The following ZYG11B variants were observed in gnomAD, a reference collection of about 807,000 sequenced individuals.
The protein encoded by ZYG11B is protein zyg-11 homolog B.
In ZYG11B, 36 loss-of-function variants were observed where a neutral mutation model predicts 82.4. The observed-to-expected ratio is 0.44, with a 90% confidence interval of 0.33 to 0.58. The LOEUF is 0.58. ZYG11B is among the 20% of genes least tolerant of loss of function. ZYG11B has a pLI of 0.02. For synonymous variants in ZYG11B, 303 were observed against 312.8 expected (o/e 0.97, Z 0.33); for missense variants, 552 against 895.6 (o/e 0.62, Z 4.90).
chr1:52,791,865 G>A (rs747793995), intron 6 of ZYG11B, among the ~76,000 whole-genome samples: 17 of 152,234 alleles, frequency 1.1e-4, no homozygotes, highest in Middle Eastern at 3.4e-3. Context: ...TCGTAACAAA[G>A]TCTAAGGTAG....
chr1:52,743,871 A>G (rs1185852582), intron 1 of ZYG11B, among the ~76,000 whole-genome samples: 1 of 152,152 alleles, frequency 6.6e-6, no homozygotes, highest in Non-Finnish European at 1.5e-5. Context: ...CATTTATGTT[A>G]AGTCCCCTCT....
chr1:52,820,286 T>A (rs768489330), intron 13 of ZYG11B, among the ~76,000 whole-genome samples: 4 of 152,022 alleles, frequency 2.6e-5, no homozygotes, highest in Admixed American at 6.6e-5. Flanking sequence ...CTCAGATAGT[T>A]TAGGTTCCTA....
rs1465453977 is a variant in ZYG11B at position 52,821,489 on chromosome 1, TACA to T, written c.2099_2101del (p.Asn700del). On this transcript the variant is annotated inframe_deletion, in exon 14 of 14. Transcript: ENST00000294353. ...TGAAGAAGGAGGATTGCAGCATTTATACAACATCAAAGATCATGAACATACTGA... is the reference window on the plus strand; with the variant it reads ...TGAAGAAGGAGGATTGCAGCATTTATACATCAAAGATCATGAACATACTGA... 1 of 1,612,836 alleles carries T rather than the reference TACA, an allele frequency of 6.2e-7. No homozygotes were observed.
intron 10 of ZYG11B, among the ~76,000 whole-genome samples, chr1:52,810,149 A>G (rs116807506): frequency 1.1e-4 from 16 of 152,254 alleles, no homozygotes; most frequent in Middle Eastern, 3.4e-3. Flanking sequence ...TGGTCAGGCT[A>G]TGGCTAATTA....
At chr1:52,811,629 T>G (rs1645183526) in intron 10 of ZYG11B, among the ~76,000 whole-genome samples, 1 of 152,208 alleles carries the variant, frequency 6.6e-6, no homozygotes, top group Non-Finnish European at 1.5e-5. Context: ...TCTCTGTTGT[T>G]TAGTCCACTG....
chr1:52,756,703 T>A (rs941071233), intron 2 of ZYG11B, 80 bp downstream of exon 2: 1 of 1,402,900 alleles, frequency 7.1e-7, no homozygotes, highest in Admixed American at 2.3e-5. Context: ...AGCCATTTAA[T>A]TATTTTCTTA....
Position 52,826,984 on chromosome 1 carries a change from C to G in ZYG11B, c.*5355C>G, listed in dbSNP as rs755694167. ...TGTTTTTCCTTAAAAACTTTATACT[C>G]TCAGATAATCTGCAACAACAAAAAT... is the stretch of plus-strand genomic sequence containing the variant. On this transcript the variant is annotated 3_prime_UTR_variant, in exon 14 of 14. Transcript: ENST00000294353. 4.0e-5 allele frequency: 6 copies of G among 151,830 alleles called. No homozygotes were observed. Among genetic ancestry groups the G allele is most frequent in the Non-Finnish European group, 8.8e-5 (6 of 68,016 alleles). 9.4% of individuals were successfully genotyped at this position (151,830 alleles called of 1,614,324 possible). A position where few individuals can be genotyped will look rare whatever the true frequency, so the allele number is the denominator to read the frequency against.
chr1:52,774,050 G>A lies in ZYG11B; in HGVS notation c.951+2276G>A, dbSNP rs377466706. 1.4e-4 allele frequency among the ~76,000 whole-genome samples: 22 copies of A among 152,116 alleles called. No homozygotes were observed. The East Asian group carries it at 3.1e-3, about 21-fold the overall frequency. On this transcript the variant is annotated intron_variant, in intron 3 of 13. Transcript: ENST00000294353. ...ATACGTGCAAAGACTGCGTTAGGAA[G>A]AGAGGTGAGACCCAGGCATCAGTAT...
intron 4 of ZYG11B, among the ~76,000 whole-genome samples, chr1:52,784,159 T>C (rs550124162): frequency 6.6e-6 from 1 of 152,186 alleles, no homozygotes; most frequent in Admixed American, 6.5e-5. Flanking sequence ...GCCCAGCTAC[T>C]TTCTGTATTT....
intron 1 of ZYG11B, among the ~76,000 whole-genome samples, chr1:52,750,393 C>T (rs962887917): frequency 6.6e-6 from 1 of 152,080 alleles, no homozygotes; most frequent in Non-Finnish European, 1.5e-5. Flanking sequence ...CTGCCTCAGC[C>T]TGCTGAATAG....
At chr1:52,757,932 T>C (rs1049941460) in intron 2 of ZYG11B, among the ~76,000 whole-genome samples, 3 of 151,998 alleles carry the variant, frequency 2.0e-5, no homozygotes. Context: ...CCGGGCGCAG[T>C]GGCTCACACC....
At chr1:52,784,611 G>A (rs1644897546) in intron 4 of ZYG11B, among the ~76,000 whole-genome samples, 1 of 152,084 alleles carries the variant, frequency 6.6e-6, no homozygotes, top group South Asian at 2.1e-4. Flanking sequence ...AGTAGGTCTT[G>A]GAAATACAAA....
At chr1:52,764,480 T>C (rs1274158278) in intron 2 of ZYG11B, among the ~76,000 whole-genome samples, 1 of 152,060 alleles carries the variant, frequency 6.6e-6, no homozygotes, top group Non-Finnish European at 1.5e-5. Flanking sequence ...TATAAATCGG[T>C]CCTAGGTCTG....
Position 52,740,565 on chromosome 1 carries a change from C to CTTTT in ZYG11B, c.30+13899_30+13902dup, listed in dbSNP as rs57309331. 7.0e-3 allele frequency among the ~76,000 whole-genome samples: 871 copies of CTTTT among 124,908 alleles called. 21 individuals carry two copies. The highest frequency in any genetic ancestry group is 0.026 in the African/African-American group (818 of 31,908). The allele number at this position is 124,908 out of a possible 152,430, so 81.9% of individuals were successfully genotyped here. A position where few individuals can be genotyped will look rare whatever the true frequency, so the allele number is the denominator to read the frequency against. ...TGATCTATGCCCTTGGTACTACCTTCTTTTTTTTTTTTTTTTTTTTGAGAC... is the reference window on the plus strand; with the variant it reads ...TGATCTATGCCCTTGGTACTACCTTCTTTTTTTTTTTTTTTTTTTTTTTTGAGAC... On this transcript the variant is annotated intron_variant, in intron 1 of 13. Transcript: ENST00000294353.
chr1:52,771,753 C>A lies in ZYG11B; in HGVS notation c.930C>A (p.Leu310=). The A allele has an allele frequency of 6.2e-7, 1 of 1,611,254 alleles. No homozygotes were observed. Among genetic ancestry groups the A allele is most frequent in the Non-Finnish European group, 8.5e-7 (1 of 1,178,036 alleles). The change falls in exon 3 of 14, where the codon CTC becomes CTA. Residue 310 remains leucine (L), a synonymous_variant. Transcript: ENST00000294353. The surrounding 1 kb of genome is among the most constrained non-coding windows in gnomAD (Gnocchi z 5.4). ...LATDAGYSEF[L]TGEGHLKVSG... is the part of the protein sequence containing the mutation. ...CTGATGCTGGTTACTCTGAATTCCT[C>A]ACAGGCGAAGGACATTTGAAGGTTA...
At chr1:52,768,991 C>G (rs1644723527) in intron 2 of ZYG11B, among the ~76,000 whole-genome samples, 1 of 152,180 alleles carries the variant, frequency 6.6e-6, no homozygotes, top group African/African-American at 2.4e-5. Flanking sequence ...GATCTTCATT[C>G]ATGATGGTTT....
Position 52,784,983 on chromosome 1 carries a change from C to G in ZYG11B, c.1199C>G (p.Pro400Arg). The G allele has an allele frequency of 6.2e-7, 1 of 1,614,162 alleles. No homozygotes were observed. Among genetic ancestry groups the G allele is most frequent in the Non-Finnish European group, 8.5e-7 (1 of 1,180,008 alleles). Residue 400 changes from proline to arginine, a missense_variant, in exon 5 of 14, where the codon CCT (proline) becomes CGT (arginine). Pro to Arg is a moderately radical substitution (Grantham distance 103). Transcript: ENST00000294353. ...LTKQDLAAGM[P>R]VRLLADVTHL... ...AAGCAGGATCTTGCTGCAGGGATGCCTGTCCGACTCCTGGCTGATGTGACC... is the reference window on the plus strand; with the variant it reads ...AAGCAGGATCTTGCTGCAGGGATGCGTGTCCGACTCCTGGCTGATGTGACC...
In ZYG11B at chr1:52,771,268, T is replaced by A. The variant is rs1644747867; in HGVS notation, c.445T>A (p.Ser149Thr). Residue 149 changes from serine to threonine, a missense_variant, in exon 3 of 14, where the codon TCC becomes ACC. Coordinates refer to ENST00000294353, the MANE Select transcript of ZYG11B (RefSeq NM_024646.3). This position sits in a 1 kb window ranked among gnomAD's most constrained non-coding sequence, Gnocchi z 5.4. ...CCTGGTGCTGAATTCATTAACTCTC[T>A]CCCTCGAGGATCCTTACGAGCGCTG... ...QCLVLNSLTLSLEDPYERCFS... is the reference protein window; with the variant it reads ...QCLVLNSLTLTLEDPYERCFS... The A allele has an allele frequency of 6.2e-7, 1 of 1,614,206 alleles. No individual in the cohort carries two copies. The highest frequency in any genetic ancestry group is 8.5e-7 in the Non-Finnish European group (1 of 1,180,040).
Position 52,826,998 on chromosome 1 carries a change from A to C in ZYG11B, c.*5369A>C, listed in dbSNP as rs1489993622. ...AACTTTATACTCTCAGATAATCTGC[A>C]ACAACAAAAATTAAGAAATCCCTGA... is the stretch of plus-strand genomic sequence containing the variant. On this transcript the variant is annotated 3_prime_UTR_variant, in exon 14 of 14. Transcript: ENST00000294353. The C allele has an allele frequency of 6.6e-6, 1 of 152,210 alleles. No individual in the cohort carries two copies. Among genetic ancestry groups the C allele is most frequent in the African/African-American group, 2.4e-5 (1 of 41,452 alleles). 9.4% of individuals were successfully genotyped at this position (152,210 alleles called of 1,614,324 possible). A position where few individuals can be genotyped will look rare whatever the true frequency, so the allele number is the denominator to read the frequency against.
Sources: gnomAD v4.1 joint callset for allele counts (sites outside exome capture counted in the v4.1 genomes callset) on GRCh38, gnomAD v4.1.1 for gene constraint, Gnocchi (gnomAD v3.1) non-coding constraint, MANE v1.5 for transcripts, NCBI Gene and HGNC (gene_info 2026-07-23, HGNC 2026-07-21) for gene names.